The following PRRC2C variants were observed in gnomAD, a reference collection of about 807,000 sequenced individuals.
PRRC2C encodes the protein protein PRRC2C.
A neutral mutation model predicts 317.2 loss-of-function variants in PRRC2C; 72 were observed. The ratio of observed to expected loss-of-function variants is 0.23; its 90% confidence interval spans 0.19 to 0.28. The LOEUF is 0.28. Ranked by LOEUF, PRRC2C falls within the 10% of genes least tolerant of loss-of-function variation. PRRC2C has a pLI of 1.00. For synonymous variants in PRRC2C, 1,296 were observed against 1,205.9 expected (o/e 1.07, Z -1.55); for missense variants, 3,074 against 3,459.7 (o/e 0.89, Z 2.80).
At chr1:171,564,190 G>T (rs1349574106) in intron 20 of PRRC2C, among the ~76,000 whole-genome samples, 1 of 152,094 alleles carries the variant, frequency 6.6e-6, no homozygotes, top group Non-Finnish European at 1.5e-5. Context: ...TAGTGAAATA[G>T]AACTCTTAAT....
intron 2 of PRRC2C, chr1:171,512,558 T>C: frequency 3.6e-6 from 1 of 277,094 alleles, no homozygotes; most frequent in East Asian, 8.8e-5. Flanking sequence ...AGTCTTATGT[T>C]TCGTGTGTGG....
rs865774850 is a variant in PRRC2C at position 171,557,363 on chromosome 1, C to G, written c.5251C>G (p.Leu1751Val). 6.4e-7 allele frequency: 1 copy of G among 1,551,818 alleles called. No individual in the cohort carries two copies. Among genetic ancestry groups the G allele is most frequent in the Non-Finnish European group, 8.7e-7 (1 of 1,147,020 alleles). Reference protein sequence around the residue: ...QAQSSASVPPLASAPLPPSTS... With the variant: ...QAQSSASVPPVASAPLPPSTS... Reference sequence around the variant, plus strand: ...ACAGTCTTCAGCCTCAGTTCCACCTCTAGCTTCGGCTCCACTTCCACCTTC... The same window carrying G: ...ACAGTCTTCAGCCTCAGTTCCACCTGTAGCTTCGGCTCCACTTCCACCTTC... Residue 1751 changes from leucine to valine, a missense_variant, in exon 19 of 35, where the codon CTA (leucine) becomes GTA (valine). Around this residue, in one of 11 missense-constraint regions of PRRC2C, gnomAD observed 640 missense variants for 676.1 expected, o/e 0.95. Coordinates refer to ENST00000647382, the MANE Select transcript of PRRC2C (RefSeq NM_001387844.1).
chr1:171,487,339 G>T (rs1393976501), intron 1 of PRRC2C, among the ~76,000 whole-genome samples: 1 of 152,192 alleles, frequency 6.6e-6, no homozygotes, highest in Non-Finnish European at 1.5e-5. Context: ...ACCCAAAGGG[G>T]ATGCTCTAAA....
At chr1:171,568,173 A>G in intron 22 of PRRC2C, 74 bp from the exon 23 acceptor site, 1 of 1,480,568 alleles carries the variant, frequency 6.8e-7, no homozygotes, top group Non-Finnish European at 9.0e-7. Flanking sequence ...TGATAGCGAG[A>G]CTCAAAAAAA....
At position 171,591,815 on chromosome 1, in the gene PRRC2C, C is replaced by T; in HGVS notation, c.8665C>T (p.Gln2889Ter). 1 of 1,607,050 alleles carries T rather than the reference C, an allele frequency of 6.2e-7. No individual in the cohort carries two copies. The highest frequency in any genetic ancestry group is 8.5e-7 in the Non-Finnish European group (1 of 1,178,190). The change falls in exon 35 of 35, where the codon CAG (glutamine) becomes TAG (stop). Residue 2889 changes from glutamine (Q) to a stop codon, truncating the protein, a stop_gained. Coordinates refer to ENST00000647382, the MANE Select transcript of PRRC2C (RefSeq NM_001387844.1). LOFTEE classifies it high-confidence loss of function. ...TGTTAGAACTGGACCAATCAAACCT[C>T]AGGCGATCAAAACCGAAGAAACAAA... ...KPVRTGPIKP[Q>*]AIKTEETKS
chr1:171,565,150 C>G (rs1179393385), intron 20 of PRRC2C, among the ~76,000 whole-genome samples: 1 of 152,180 alleles, frequency 6.6e-6, no homozygotes, highest in Admixed American at 6.5e-5. Context: ...GTTCCCCATA[C>G]CTGCTATGCT....
intron 11 of PRRC2C, among the ~76,000 whole-genome samples, chr1:171,530,331 C>T (rs907629784): frequency 7.4e-6 from 1 of 134,616 alleles, no homozygotes; most frequent in Non-Finnish European, 1.5e-5. Flanking sequence ...GCAGCCTAAA[C>T]CTCCTGGGCT....
chr1:171,535,399 C>T (rs1384672239), intron 12 of PRRC2C, 29 bp from the exon 13 acceptor site: 3 of 1,595,410 alleles, frequency 1.9e-6, no homozygotes, highest in Admixed American at 3.5e-5. Flanking sequence ...TAGATGAATA[C>T]TATTACCTTT....
At chr1:171,555,139 T>A (rs1280042957) in intron 18 of PRRC2C, among the ~76,000 whole-genome samples, 1 of 152,226 alleles carries the variant, frequency 6.6e-6, no homozygotes, top group African/African-American at 2.4e-5. Context: ...AGTCCCATAT[T>A]TCTTGGAGGC....
chr1:171,571,267 C>A, intron 23 of PRRC2C, 53 bp from the exon 24 acceptor site: 2 of 1,066,174 alleles, frequency 1.9e-6, no homozygotes, highest in South Asian at 1.3e-5. Flanking sequence ...TTTAATGGGG[C>A]TTTCGTAGTA....
intron 6 of PRRC2C, among the ~76,000 whole-genome samples, chr1:171,520,383 T>A (rs1673332601): frequency 6.6e-6 from 1 of 152,182 alleles, no homozygotes; most frequent in South Asian, 2.1e-4. Context: ...CCCTGAACTT[T>A]CATGTGAGAG....
At chr1:171,501,569 CAGA>C (rs1170608604) in intron 1 of PRRC2C, among the ~76,000 whole-genome samples, 4 of 152,126 alleles carry the variant, frequency 2.6e-5, no homozygotes, top group African/African-American at 7.2e-5. Flanking sequence ...GTGTGTTATT[CAGA>C]AGGTTTTGTT....
chr1:171,498,805 G>C (rs987159138), intron 1 of PRRC2C, among the ~76,000 whole-genome samples: 1 of 152,138 alleles, frequency 6.6e-6, no homozygotes, highest in Non-Finnish European at 1.5e-5. Flanking sequence ...CTTCTACTGG[G>C]CTTTCTTTTT....
chr1:171,566,718 A>G lies in PRRC2C; in HGVS notation c.6433A>G (p.Ser2145Gly). The change falls in exon 22 of 35, where the codon AGC (serine) becomes GGC (glycine). Residue 2145 changes from serine (S) to glycine (G), a missense_variant. Physicochemically the swap from Ser to Gly is moderately conservative, Grantham distance 56 (BLOSUM62 0). Transcript: ENST00000647382. ...GGAGCCAGAAGGACAAGAGAAACCA[A>G]GCCCAGCTACAGTCAGAAGCACAGA... ...QVEPEGQEKP[S>G]PATVRSTDPV... 1 of 1,613,820 alleles carries G rather than the reference A, an allele frequency of 6.2e-7. No individual in the cohort carries two copies. Among genetic ancestry groups the G allele is most frequent in the Non-Finnish European group, 8.5e-7 (1 of 1,179,806 alleles).
intron 28 of PRRC2C, among the ~76,000 whole-genome samples, chr1:171,581,483 T>TA (rs1332249747): frequency 2.0e-5 from 3 of 152,206 alleles, no homozygotes; most frequent in African/African-American, 4.8e-5. Context: ...TCTTGGAAGA[T>TA]ATACTTTTTA....
intron 14 of PRRC2C, among the ~76,000 whole-genome samples, chr1:171,536,829 T>G (rs552305568): frequency 1.1e-3 from 160 of 152,328 alleles, no homozygotes; most frequent in Non-Finnish European, 1.9e-3. Flanking sequence ...ATTTGGAAAT[T>G]TAAGTGGCAT....
rs938229816 is a variant in PRRC2C at position 171,526,805 on chromosome 1, CTTTT to C, written c.1201-968_1201-965del. 1.1e-4 allele frequency among the ~76,000 whole-genome samples: 10 copies of C among 90,208 alleles called. 2 individuals are homozygous for C. The highest frequency in any genetic ancestry group is 1.2e-3 in the South Asian group (2 of 1,708). 59.2% of individuals were successfully genotyped at this position (90,208 alleles called of 152,430 possible). Reference sequence around the variant, plus strand: ...AAAATCATTACATTCAGAAATATATCTTTTTTTTTTTTTTTTTTTTTGAGATGGA... The same window carrying C: ...AAAATCATTACATTCAGAAATATATCTTTTTTTTTTTTTTTTTGAGATGGA... On this transcript the variant is annotated intron_variant, in intron 10 of 34. Transcript: ENST00000647382.
At chr1:171,501,766 CAG>C (rs1292493638) in intron 1 of PRRC2C, among the ~76,000 whole-genome samples, 2 of 152,102 alleles carry the variant, frequency 1.3e-5, no homozygotes, top group Admixed American at 6.5e-5. Flanking sequence ...GTTTTGAAAT[CAG>C]AGCTGGCAAG....
At chr1:171,588,883 C>A (rs1263366240) in intron 33 of PRRC2C, among the ~76,000 whole-genome samples, 1 of 151,982 alleles carries the variant, frequency 6.6e-6, no homozygotes, top group Non-Finnish European at 1.5e-5. Context: ...ATAAAATTTC[C>A]AAAAAGATGT....
Sources: allele counts gnomAD v4.1 joint callset (sites outside exome capture counted in the v4.1 genomes callset), GRCh38; gene constraint gnomAD v4.1.1; regional missense constraint gnomAD v4.1.1; transcripts MANE v1.5; gene names NCBI Gene and HGNC (gene_info 2026-07-23, HGNC 2026-07-21).